The following SFI1 variants were observed in gnomAD, a reference collection of about 807,000 sequenced individuals.
SFI1 encodes the protein protein SFI1 homolog.
A neutral mutation model predicts 207.5 loss-of-function variants in SFI1; 195 were observed. That is an observed-to-expected ratio of 0.94 (90% CI 0.84 to 1.06). The LOEUF is 1.06. SFI1 is among the 50% of genes least tolerant of loss of function. The probability of loss-of-function intolerance (pLI) is 0.00; values close to 1 mark genes in which losing one functional copy is unlikely to be tolerated. For synonymous variants in SFI1, 630 were observed against 598.9 expected (o/e 1.05, Z -0.76); for missense variants, 1,634 against 1,588.0 (o/e 1.03, Z -0.49).
At chr22:31,617,340 T>TA (rs1556397855) in intron 31 of SFI1, among the ~76,000 whole-genome samples, 1 of 151,688 alleles carries the variant, frequency 6.6e-6, no homozygotes, top group Admixed American at 6.6e-5. Context: ...CTGCTTCCTA[T>TA]GGGGGGGACG....
At position 31,560,052 on chromosome 22, in the gene SFI1, G is replaced by C. The variant is rs528963299; in HGVS notation, c.663-1238G>C. ...TATTGATGCTGGGGCTGTATTCAGG[G>C]AATTTGTGATTCCCTGGATGCATAA... is the stretch of plus-strand genomic sequence containing the variant. On this transcript the variant is annotated intron_variant, in intron 7 of 32. Transcript: ENST00000400288. The C allele has an allele frequency of 3.7e-5, 9 of 241,382 alleles. No homozygotes were observed. In the South Asian group the frequency reaches 5.5e-4, roughly 15 times the overall value. The allele number at this position is 241,382 out of a possible 1,614,324, so 15.0% of individuals were successfully genotyped here. A position where few individuals can be genotyped will look rare whatever the true frequency, so the allele number is the denominator to read the frequency against.
chr22:31,585,330 T>G (rs2064888506), intron 14 of SFI1, among the ~76,000 whole-genome samples, 196 bp downstream of exon 14: 1 of 152,226 alleles, frequency 6.6e-6, no homozygotes, highest in Non-Finnish European at 1.5e-5. Context: ...CTCCCATTTC[T>G]TATCTGCTAT....
chr22:31,598,789 C>CT lies in SFI1; in HGVS notation c.1545-3401dup, dbSNP rs1203871840. On this transcript the variant is annotated intron_variant, in intron 15 of 32. Transcript: ENST00000400288. ...GTTGGATTGATACAGTCCAGTTTAT[C>CT]TTTTTTTTTTTTTTTTTTTTTTGAG... Among the ~76,000 whole-genome samples the CT allele has an allele frequency of 7.2e-3, 466 of 64,402 alleles. 34 individuals carry two copies. Among genetic ancestry groups the CT allele is most frequent in the African/African-American group, 0.021 (298 of 14,234 alleles). 42.3% of individuals were successfully genotyped at this position (64,402 alleles called of 152,430 possible). A position where few individuals can be genotyped will look rare whatever the true frequency, so the allele number is the denominator to read the frequency against.
intron 16 of SFI1, 122 bp downstream of exon 16, chr22:31,602,415 G>C: frequency 8.5e-7 from 1 of 1,177,290 alleles, no homozygotes; most frequent in East Asian, 2.3e-5. Context: ...GCCTGTGACT[G>C]TTGAGGCAGG....
intron 1 of SFI1, among the ~76,000 whole-genome samples, chr22:31,500,995 C>T (rs566597743): frequency 1.9e-4 from 29 of 150,852 alleles, no homozygotes; most frequent in Non-Finnish European, 3.4e-4. Context: ...AACGGGGTTT[C>T]ACCATATTGG....
At position 31,585,090 on chromosome 22, in the gene SFI1, A is replaced by G. The variant is rs1979665665; in HGVS notation, c.1369A>G (p.Ile457Val). The change falls in exon 14 of 33, where the codon ATC (isoleucine) becomes GTC (valine). Residue 457 changes from isoleucine (I) to valine (V), a missense_variant. Physicochemically the swap from Ile to Val is conservative, Grantham distance 29 (BLOSUM62 3). Coordinates refer to ENST00000400288, the MANE Select transcript of SFI1 (RefSeq NM_001007467.3). The part of the protein sequence containing the change: ...HYRIALLCKC[I>V]ELWLQYTQKR... ...CAGAATAGCACTGCTGTGCAAATGT[A>G]TCGAATTGTGGCTACAGTATACTCA... The G allele has an allele frequency of 6.2e-7, 1 of 1,614,128 alleles. No homozygotes were observed. Among genetic ancestry groups the G allele is most frequent in the Non-Finnish European group, 8.5e-7 (1 of 1,180,014 alleles).
At position 31,615,208 on chromosome 22, in the gene SFI1, A is replaced by C. The variant is rs529329028; in HGVS notation, c.3229A>C (p.Ser1077Arg). The change falls in exon 29 of 33, where the codon AGC becomes CGC. Residue 1077 changes from serine (S) to arginine (R), a missense_variant. Ser to Arg is a moderately radical substitution (Grantham distance 110). Transcript: ENST00000400288. The stretch of plus-strand genomic sequence containing the variant: ...TGGCCCGAAGCAGCCCCCGACGGCA[A>C]GCACAGGCCCGGAGCTGCTGCTGCT... Reference protein sequence around the residue: ...APGPKQPPTASTGPELLLLPL... With the variant: ...APGPKQPPTARTGPELLLLPL... 1.4e-5 allele frequency: 22 copies of C among 1,576,672 alleles called. No homozygotes were observed. In the East Asian group the frequency reaches 4.5e-4, roughly 32 times the overall value.
chr22:31,522,801 G>A (rs1387172974), intron 2 of SFI1, among the ~76,000 whole-genome samples: 13 of 152,158 alleles, frequency 8.5e-5, no homozygotes, highest in South Asian at 4.1e-4. Flanking sequence ...GACTACAGGC[G>A]TGTGCCACCA....
At chr22:31,616,593 G>C (rs1474595001) in intron 29 of SFI1, 152 bp from the exon 30 acceptor site, 2 of 773,910 alleles carry the variant, frequency 2.6e-6, no homozygotes, top group Non-Finnish European at 4.1e-6. Flanking sequence ...CACTGAGCTG[G>C]CACGGCCAGT....
intron 15 of SFI1, among the ~76,000 whole-genome samples, chr22:31,600,085 A>C (rs1047377513): frequency 6.6e-6 from 1 of 152,044 alleles, no homozygotes; most frequent in African/African-American, 2.4e-5. Flanking sequence ...ACGAGGTCTC[A>C]CTATGCTGCC....
At chr22:31,616,075 G>A (rs1307643096) in intron 29 of SFI1, 1 of 152,294 alleles carries the variant, frequency 6.6e-6, no homozygotes, top group Non-Finnish European at 1.5e-5. Flanking sequence ...ACAGGGGAAG[G>A]AGAGAGGGGA....
At chr22:31,499,351 C>T (rs532089649) in intron 1 of SFI1, among the ~76,000 whole-genome samples, 4 of 152,048 alleles carry the variant, frequency 2.6e-5, no homozygotes, top group South Asian at 2.1e-4. Flanking sequence ...TGTGTCACCA[C>T]GCCTGGCTAA....
intron 1 of SFI1, among the ~76,000 whole-genome samples, chr22:31,501,297 G>C (rs1435875862): frequency 6.6e-6 from 1 of 151,124 alleles, no homozygotes; most frequent in Non-Finnish European, 1.5e-5. Flanking sequence ...TCAGCCTCCC[G>C]AGTAGCTGGG....
chr22:31,563,025 G>A (rs990807720), intron 8 of SFI1, among the ~76,000 whole-genome samples: 1 of 144,304 alleles, frequency 6.9e-6, no homozygotes, highest in African/African-American at 2.6e-5. Context: ...AGTATTGCTC[G>A]CTCTGTCACC....
chr22:31,545,316 G>A (rs1373639088), intron 4 of SFI1, among the ~76,000 whole-genome samples: 1 of 150,190 alleles, frequency 6.7e-6, no homozygotes, highest in African/African-American at 2.5e-5. Context: ...GATGAACCGA[G>A]ATCACACCAT....
chr22:31,574,591 T>G (rs997913514), intron 9 of SFI1, among the ~76,000 whole-genome samples: 7 of 152,184 alleles, frequency 4.6e-5, no homozygotes, highest in Non-Finnish European at 1.0e-4. Flanking sequence ...AAACAGTCCT[T>G]TTTGAAAGTA....
chr22:31,605,729 G>C (rs1269678076), intron 20 of SFI1: 1 of 152,576 alleles, frequency 6.6e-6, no homozygotes, highest in African/African-American at 2.4e-5. Context: ...TATGCCTGTG[G>C]TTCAGGTACT....
rs929912471 is a variant in SFI1 at position 31,553,716 on chromosome 22, C to T, written c.545-3226C>T. Among the ~76,000 whole-genome samples, 16 of 150,520 alleles carry T rather than the reference C, an allele frequency of 1.1e-4. 1 individual carries two copies. The highest frequency in any genetic ancestry group is 1.0e-3 in the South Asian group (5 of 4,762). On this transcript the variant is annotated intron_variant, in intron 6 of 32. Transcript: ENST00000400288. ...TTCTGTTATAAGCATTTTGTCAAAG[C>T]ATGATTTGCTATGTTTTCTCCTAGT...
At chr22:31,614,761 G>A (rs369925515) in intron 27 of SFI1, 28 bp from the exon 28 acceptor site, 39 of 1,612,772 alleles carry the variant, frequency 2.4e-5, no homozygotes, top group Non-Finnish European at 3.1e-5. Context: ...GGTCAGCCCA[G>A]GGGAACAGAC....
Sources: allele counts gnomAD v4.1 joint callset (sites outside exome capture counted in the v4.1 genomes callset), GRCh38; gene constraint gnomAD v4.1.1; transcripts MANE v1.5; gene names NCBI Gene and HGNC (gene_info 2026-07-23, HGNC 2026-07-21).